NCLN: variants seen among roughly 807,000 people sequenced by gnomAD.
NCLN encodes nicalin.
A neutral mutation model predicts 69.5 loss-of-function variants in NCLN; 34 were observed. That is an observed-to-expected ratio of 0.49 (90% confidence interval 0.37 to 0.65). The LOEUF (loss-of-function observed/expected upper bound fraction) is 0.65. Ranked by LOEUF, NCLN falls within the 30% of genes least tolerant of loss-of-function variation. The pLI, the probability that NCLN is intolerant of heterozygous loss-of-function variation, is 0.00. For missense variants in NCLN, 710 were observed against 804.8 expected (o/e 0.88, Z 1.42); for synonymous variants, 393 against 358.3 (o/e 1.10, Z -1.09).
rs138437194 is a variant in NCLN at position 3,206,407 on chromosome 19, A to G, written c.1481A>G (p.His494Arg). The G allele has an allele frequency of 1.4e-3, 2,132 of 1,547,750 alleles. 10 individuals carry two copies. The highest frequency in any genetic ancestry group is 2.8e-3 in the South Asian group (236 of 83,962). ...SRYLKDVKQH[H>R]VKADKRDPEF... ...TACCTGAAGGACGTGAAGCAGCACCACGTCAAGGCTGACAAGCGGTGAGGC... is the reference window on the plus strand; with the variant it reads ...TACCTGAAGGACGTGAAGCAGCACCGCGTCAAGGCTGACAAGCGGTGAGGC... Residue 494 changes from histidine (H) to arginine (R), a missense_variant, in exon 12 of 15, where the codon CAC becomes CGC. By Grantham distance (29) the His-to-Arg change is conservative (BLOSUM62 0). Transcript: ENST00000246117.
intron 4 of NCLN, among the ~76,000 whole-genome samples, chr19:3,198,483 G>T (rs1158396105): frequency 6.7e-6 from 1 of 150,218 alleles, no homozygotes; most frequent in Non-Finnish European, 1.5e-5. Context: ...CTCCAGCCTG[G>T]GCGACAGAGT....
Position 3,191,086 on chromosome 19 carries a change from G to A in NCLN, c.185-1384G>A, listed in dbSNP as rs138114452. On this transcript the variant is annotated intron_variant, in intron 1 of 14. Transcript: ENST00000246117. ...GTCGCGGTGTGTGGCGGGCAGCAGG[G>A]AGATCGTCGCGGTGCGTGGCGGGCA... Among the ~76,000 whole-genome samples, 397 of 151,498 alleles carry A rather than the reference G, an allele frequency of 2.6e-3. 2 individuals are homozygous for A. Among genetic ancestry groups the A allele is most frequent in the Non-Finnish European group, 4.5e-3 (305 of 67,774 alleles).
chr19:3,197,379 C>T (rs1490435676), intron 4 of NCLN, among the ~76,000 whole-genome samples: 1 of 152,230 alleles, frequency 6.6e-6, no homozygotes, highest in Admixed American at 6.5e-5. Context: ...CTCCCACAGC[C>T]AGACGGGGAG....
chr19:3,204,797 G>A, intron 9 of NCLN, 46 bp downstream of exon 9: 2 of 1,389,510 alleles, frequency 1.4e-6, no homozygotes, highest in Admixed American at 3.3e-5. Flanking sequence ...GCTTTCCTGG[G>A]GGCTGAGCCA....
rs1011391847 is a variant in NCLN at position 3,208,882 on chromosome 19, A to C, written c.*1194A>C. On this transcript the variant is annotated 3_prime_UTR_variant, in exon 15 of 15. Coordinates refer to ENST00000246117, the MANE Select transcript of NCLN (RefSeq NM_020170.4). Reference sequence around the variant, plus strand: ...CCTTGGACAGAACCCTCCACCCCGCAGACCAGGCGTCGTGTGTGTGTGGGA... The same window carrying C: ...CCTTGGACAGAACCCTCCACCCCGCCGACCAGGCGTCGTGTGTGTGTGGGA... The C allele has an allele frequency of 7.2e-5, 11 of 152,452 alleles. No homozygotes were observed. Among genetic ancestry groups the C allele is most frequent in the African/African-American group, 2.7e-4 (11 of 41,454 alleles). The allele number at this position is 152,452 out of a possible 1,614,324, so 9.4% of individuals were successfully genotyped here.
chr19:3,203,933 G>T, intron 7 of NCLN, 72 bp from the exon 8 acceptor site: 1 of 1,563,552 alleles, frequency 6.4e-7, no homozygotes, highest in South Asian at 1.2e-5. Context: ...GGGGCAGCCA[G>T]GAGGCACAGA....
Position 3,198,809 on chromosome 19 carries a change from A to T in NCLN, c.616-8A>T, listed in dbSNP as rs753575815. 2 of 1,579,098 alleles carry T rather than the reference A, an allele frequency of 1.3e-6. No individual in the cohort carries two copies. Among genetic ancestry groups the T allele is most frequent in the South Asian group, 2.3e-5 (2 of 88,028 alleles). Reference sequence around the variant, plus strand: ...CAGCCAGGCCATTCCCCTGCTCTCTATCCACAGGGGCGGCTGACGGGGCTG... The same window carrying T: ...CAGCCAGGCCATTCCCCTGCTCTCTTTCCACAGGGGCGGCTGACGGGGCTG... On this transcript the variant is annotated splice_region_variant and splice_polypyrimidine_tract_variant and intron_variant, in intron 4 of 14. Transcript: ENST00000246117.
Position 3,207,845 on chromosome 19 carries a change from T to C in NCLN, c.*157T>C. ...AACACTGAATTACAGAGCTTTTTTCTGTTGCTCTCCGAGACTGGGGGGGGA... is the reference window on the plus strand; with the variant it reads ...AACACTGAATTACAGAGCTTTTTTCCGTTGCTCTCCGAGACTGGGGGGGGA... On this transcript the variant is annotated 3_prime_UTR_variant, in exon 15 of 15. Transcript: ENST00000246117. 1.6e-6 allele frequency: 1 copy of C among 618,778 alleles called. No individual in the cohort carries two copies. Among genetic ancestry groups the C allele is most frequent in the Non-Finnish European group, 2.9e-6 (1 of 345,386 alleles). The allele number at this position is 618,778 out of a possible 1,614,324, so 38.3% of individuals were successfully genotyped here. A position where few individuals can be genotyped will look rare whatever the true frequency, so the allele number is the denominator to read the frequency against.
chr19:3,194,687 A>G (rs184764687), intron 3 of NCLN, among the ~76,000 whole-genome samples: 5 of 151,846 alleles, frequency 3.3e-5, no homozygotes, highest in Admixed American at 2.6e-4. Flanking sequence ...ATAGAAGAGT[A>G]TAGTTCTGCA....
chr19:3,188,526 T>C (rs1489784326), intron 1 of NCLN, among the ~76,000 whole-genome samples: 2 of 152,114 alleles, frequency 1.3e-5, no homozygotes, highest in African/African-American at 4.8e-5. Context: ...GGCCCCTTTT[T>C]GGTGGCGCCT....
chr19:3,187,578 G>C (rs1367157872), intron 1 of NCLN, among the ~76,000 whole-genome samples: 1 of 152,198 alleles, frequency 6.6e-6, no homozygotes, highest in African/African-American at 2.4e-5. Context: ...TTTTTACTTA[G>C]AGCCATTGTT....
chr19:3,203,238 G>T (rs567172175), intron 6 of NCLN, among the ~76,000 whole-genome samples: 1 of 151,922 alleles, frequency 6.6e-6, no homozygotes, highest in Admixed American at 6.6e-5. Context: ...AACCCGGGAG[G>T]CAGAGGTTGC....
At chr19:3,204,526 G>T (rs1916210152) in intron 8 of NCLN, 47 bp from the exon 9 acceptor site, 2 of 1,483,974 alleles carry the variant, frequency 1.3e-6, no homozygotes, top group Non-Finnish European at 1.8e-6. Context: ...GGGCTGGGGT[G>T]GCCGCCATCC....
rs1475518596 is a variant in NCLN at position 3,196,283 on chromosome 19, T to G, written c.615+6T>G. On this transcript the variant is annotated splice_donor_region_variant and intron_variant, in intron 4 of 14. Coordinates refer to ENST00000246117, the MANE Select transcript of NCLN (RefSeq NM_020170.4). ...GGCTGATTGCCAGCGTGGAGGTGAG[T>G]GCCGCCTGCCCCGGAGCCAGCCCCA... The G allele has an allele frequency of 1.3e-6, 2 of 1,537,112 alleles. No homozygotes were observed. Among genetic ancestry groups the G allele is most frequent in the Admixed American group, 2.0e-5 (1 of 50,436 alleles).
At position 3,186,171 on chromosome 19, in the gene NCLN, C is replaced by T; in HGVS notation, c.141C>T (p.Thr47=). The part of the protein sequence containing the change: ...LPAADAAHEF[T]VYRMQQYDLQ... ...CCGCCGACGCCGCGCACGAGTTCAC[C>T]GTGTACCGCATGCAGCAGTACGACC... is the stretch of plus-strand genomic sequence containing the variant. Residue 47 remains threonine (T), a synonymous_variant, in exon 1 of 15, where the codon ACC becomes ACT. Coordinates refer to ENST00000246117, the MANE Select transcript of NCLN (RefSeq NM_020170.4). 1.3e-6 allele frequency: 2 copies of T among 1,592,656 alleles called. No individual in the cohort carries two copies.
intron 11 of NCLN, 26 bp from the exon 12 acceptor site, chr19:3,206,236 C>A: frequency 6.5e-7 from 1 of 1,530,392 alleles, no homozygotes. Flanking sequence ...GGGGCCAGGC[C>A]ATGACTACCA....
intron 6 of NCLN, among the ~76,000 whole-genome samples, chr19:3,202,451 T>C (rs1916151014): frequency 6.6e-6 from 1 of 152,186 alleles, no homozygotes; most frequent in Admixed American, 6.5e-5. Context: ...CACAGATGTC[T>C]CCAGACATGA....
At chr19:3,206,544 G>A in intron 12 of NCLN, 119 bp downstream of exon 12, 2 of 1,296,460 alleles carry the variant, frequency 1.5e-6, no homozygotes, top group Non-Finnish European at 2.1e-6. Context: ...ACAAAGAGAG[G>A]GTGGGATGAG....
chr19:3,204,752 G>C lies in NCLN; in HGVS notation c.1208+1G>C. ...AGCGCAGCAGCATCATGGACGTGCG[G>C]TGAGCGCGGCAGCACCTGCCCGGCC... On this transcript the variant is annotated splice_donor_variant, in intron 9 of 14. Coordinates refer to ENST00000246117, the MANE Select transcript of NCLN (RefSeq NM_020170.4). LOFTEE classifies it high-confidence loss of function. 1 of 1,516,198 alleles carries C rather than the reference G, an allele frequency of 6.6e-7. No individual in the cohort carries two copies. The highest frequency in any genetic ancestry group is 1.3e-5 in the South Asian group (1 of 78,124). The allele number at this position is 1,516,198 out of a possible 1,614,324, so 93.9% of individuals were successfully genotyped here. A position where few individuals can be genotyped will look rare whatever the true frequency, so the allele number is the denominator to read the frequency against.
Sources: gnomAD v4.1 joint callset for allele counts (sites outside exome capture counted in the v4.1 genomes callset) on GRCh38, gnomAD v4.1.1 for gene constraint, MANE v1.5 for transcripts, NCBI Gene and HGNC (gene_info 2026-07-23, HGNC 2026-07-21) for gene names.